Variants in GDPD1 observed in about 807,000 individuals in gnomAD.
The protein encoded by GDPD1 is glycerophosphodiester phosphodiesterase domain containing 1.
In GDPD1, 28 loss-of-function variants were observed where a neutral mutation model predicts 45.1. That is an observed-to-expected ratio of 0.62 (90% CI 0.46 to 0.85). GDPD1 has a LOEUF of 0.85. GDPD1 is among the 40% of genes least tolerant of loss of function. The probability of loss-of-function intolerance (pLI) is 0.00; values close to 1 mark genes in which losing one functional copy is unlikely to be tolerated. For synonymous variants in GDPD1, 139 were observed against 131.4 expected, an observed-to-expected ratio of 1.06 and a Z score of -0.40; for missense variants, 256 against 364.8, an observed-to-expected ratio of 0.70 and a Z score of 2.43.
At chr17:59,230,370 ATTTT>A (rs942416287) in intron 1 of GDPD1, among the ~76,000 whole-genome samples, 9 of 80,078 alleles carry the variant, frequency 1.1e-4, no homozygotes, top group Admixed American at 6.1e-4. Flanking sequence ...CAGTTGTAGA[ATTTT>A]TTTTTTTTTT....
intron 1 of GDPD1, among the ~76,000 whole-genome samples, chr17:59,222,761 C>T (rs1009969847): frequency 2.0e-5 from 3 of 152,016 alleles, no homozygotes; most frequent in African/African-American, 4.8e-5. Context: ...GTGATCCACC[C>T]GCCTTAGCCT....
At chr17:59,262,587 G>T (rs918814433) in intron 6 of GDPD1, among the ~76,000 whole-genome samples, 2 of 151,758 alleles carry the variant, frequency 1.3e-5, no homozygotes. Flanking sequence ...CACTACAAGA[G>T]ATTTCTTGTG....
chr17:59,239,034 C>T (rs1362131802), intron 2 of GDPD1, among the ~76,000 whole-genome samples: 3 of 152,182 alleles, frequency 2.0e-5, no homozygotes, highest in African/African-American at 7.2e-5. Flanking sequence ...TAGGAAATAC[C>T]CGTAGGACAA....
At chr17:59,226,998 T>C (rs893608223) in intron 1 of GDPD1, among the ~76,000 whole-genome samples, 4 of 152,174 alleles carry the variant, frequency 2.6e-5, no homozygotes, top group South Asian at 4.2e-4. Context: ...TACCTTTTTA[T>C]TGAGAGTTTA....
Position 59,222,381 on chromosome 17 carries a change from T to C in GDPD1, c.142+1630T>C, listed in dbSNP as rs373148089. 2.5e-4 allele frequency among the ~76,000 whole-genome samples: 37 copies of C among 149,968 alleles called. No homozygotes were observed. The South Asian group carries it at 7.8e-3, about 32-fold the overall frequency. On this transcript the variant is annotated intron_variant, in intron 1 of 9. Coordinates refer to ENST00000284116, the MANE Select transcript of GDPD1 (RefSeq NM_182569.4). ...GCCACCACACCCAGTTAATTTTTTT[T>C]ATTTTTAGTAGAGACGGGGTTTCAC...
At chr17:59,248,361 A>G (rs1011042749) in intron 3 of GDPD1, among the ~76,000 whole-genome samples, 4 of 152,064 alleles carry the variant, frequency 2.6e-5, no homozygotes, top group Non-Finnish European at 4.4e-5. Flanking sequence ...TTATAATTAT[A>G]CCAAAATTTG....
Position 59,271,064 on chromosome 17 carries a change from A to C in GDPD1, c.770+69A>C, listed in dbSNP as rs904020813. On this transcript the variant is annotated intron_variant, in intron 8 of 9. Transcript: ENST00000284116. ...ATATTTATTAAATACTACCCTTAAAATGTTGTGCAAGCTTTCCACATGTAA... is the reference window on the plus strand; with the variant it reads ...ATATTTATTAAATACTACCCTTAAACTGTTGTGCAAGCTTTCCACATGTAA... 8.7e-6 allele frequency: 8 copies of C among 920,392 alleles called. No homozygotes were observed. The African/African-American group carries it at 1.2e-4, about 14-fold the overall frequency. The allele number at this position is 920,392 out of a possible 1,614,324, so 57.0% of individuals were successfully genotyped here.
intron 4 of GDPD1, among the ~76,000 whole-genome samples, chr17:59,253,663 T>A (rs2047273229): frequency 6.6e-6 from 1 of 152,196 alleles, no homozygotes; most frequent in African/African-American, 2.4e-5. Flanking sequence ...GATTCTTACA[T>A]GCATCTTACT....
At chr17:59,259,566 CAAAAAAAAA>C (rs71367681) in intron 6 of GDPD1, among the ~76,000 whole-genome samples, 2 of 24,850 alleles carry the variant, frequency 8.0e-5, no homozygotes, top group Non-Finnish European at 1.5e-4. Flanking sequence ...GACTCTGTCT[CAAAAAAAAA>C]AAAAAAAAAA....
At chr17:59,239,512 T>TA (rs1361816971) in intron 2 of GDPD1, among the ~76,000 whole-genome samples, 2 of 152,178 alleles carry the variant, frequency 1.3e-5, no homozygotes, top group Non-Finnish European at 2.9e-5. Flanking sequence ...GCAAAAGTGA[T>TA]AAAAAAATTT....
At chr17:59,222,488 G>T (rs868285985) in intron 1 of GDPD1, among the ~76,000 whole-genome samples, 7 of 139,352 alleles carry the variant, frequency 5.0e-5, no homozygotes, top group African/African-American at 1.8e-4. Context: ...TTACAGGCGT[G>T]AGCCACAGTG....
In GDPD1 at chr17:59,275,537, CACTG is replaced by C. The variant is rs2147911953; in HGVS notation, c.*1768_*1771del. 1 of 198,858 alleles carries C rather than the reference CACTG, an allele frequency of 5.0e-6. No individual in the cohort carries two copies. Among genetic ancestry groups the C allele is most frequent in the East Asian group, 1.3e-4 (1 of 7,842 alleles). The allele number at this position is 198,858 out of a possible 1,614,324, so 12.3% of individuals were successfully genotyped here. A position where few individuals can be genotyped will look rare whatever the true frequency, so the allele number is the denominator to read the frequency against. The stretch of plus-strand genomic sequence containing the variant: ...AAAAATGTAAGATTTCCATTTTTGG[CACTG>C]ACTAACTGAGCCTACATCTAGATTT... On this transcript the variant is annotated 3_prime_UTR_variant, in exon 10 of 10. Coordinates refer to ENST00000284116, the MANE Select transcript of GDPD1 (RefSeq NM_182569.4).
chr17:59,256,701 C>T (rs915323110), intron 4 of GDPD1, among the ~76,000 whole-genome samples: 5 of 152,082 alleles, frequency 3.3e-5, no homozygotes, highest in Non-Finnish European at 5.9e-5. Flanking sequence ...TGATATTGTA[C>T]TATAGATTTG....
intron 4 of GDPD1, among the ~76,000 whole-genome samples, chr17:59,256,649 G>T (rs1407920373): frequency 1.3e-5 from 2 of 152,066 alleles, no homozygotes; most frequent in Non-Finnish European, 2.9e-5. Context: ...AATTATGATA[G>T]AATCAGATCG....
chr17:59,225,090 C>CTTTTTTT (rs796851725), intron 1 of GDPD1, among the ~76,000 whole-genome samples: 39 of 113,656 alleles, frequency 3.4e-4, no homozygotes, highest in Non-Finnish European at 5.1e-4. Flanking sequence ...TCTTTCTTTT[C>CTTTTTTT]TTTTTTTTTT....
intron 1 of GDPD1, among the ~76,000 whole-genome samples, chr17:59,224,691 G>T (rs1181066428): frequency 4.6e-5 from 7 of 151,764 alleles, no homozygotes; most frequent in South Asian, 2.1e-4. Flanking sequence ...GTGTGATGGT[G>T]CCTACCTGTA....
chr17:59,222,760 C>G (rs1277379573), intron 1 of GDPD1, among the ~76,000 whole-genome samples: 1 of 152,036 alleles, frequency 6.6e-6, no homozygotes, highest in Non-Finnish European at 1.5e-5. Flanking sequence ...GGTGATCCAC[C>G]CGCCTTAGCC....
chr17:59,257,125 GC>G lies in GDPD1; in HGVS notation c.373del (p.Gln125SerfsTer12). 4 of 1,545,952 alleles carry G rather than the reference GC, an allele frequency of 2.6e-6. No homozygotes were observed. Among genetic ancestry groups the G allele is most frequent in the Non-Finnish European group, 2.7e-6 (3 of 1,128,978 alleles). On this transcript the variant is annotated frameshift_variant, in exon 5 of 10. Transcript: ENST00000284116. LOFTEE classifies it high-confidence loss of function. ...TTTAAAAATCTTGCTTTCTCAGCAT[GC>G]CAGTGTGAAGGAAAAGATAACCGAA... ...GKLDVSFQRA[C>X]QCEGKDNRIP... is the part of the protein sequence containing the mutation.
Position 59,245,430 on chromosome 17 carries a change from A to G in GDPD1, c.202A>G (p.Thr68Ala). 6.2e-7 allele frequency: 1 copy of G among 1,611,088 alleles called. No homozygotes were observed. The highest frequency in any genetic ancestry group is 1.1e-5 in the South Asian group (1 of 90,474). ...TTTCTTCAGTGCGGTTAAAATCGGA[A>G]CTGATATGCTAGAATTGGACTGCCA... ...AAFQHAVKIG[T>A]DMLELDCHIT... is the part of the protein sequence containing the mutation. Residue 68 changes from threonine (T) to alanine (A), a missense_variant, in exon 3 of 10, where the codon ACT becomes GCT. Thr to Ala is a moderately conservative substitution (Grantham distance 58). Transcript: ENST00000284116.
Sources: allele counts gnomAD v4.1 joint callset (sites outside exome capture counted in the v4.1 genomes callset), GRCh38; gene constraint gnomAD v4.1.1; transcripts MANE v1.5; gene names NCBI Gene and HGNC (gene_info 2026-07-23, HGNC 2026-07-21).